ZNF670: variants seen among roughly 807,000 people sequenced by gnomAD.
ZNF670 encodes the protein zinc finger protein 670.
Under a neutral mutation model 10.9 loss-of-function variants are expected in ZNF670, and 7 were observed. The observed-to-expected ratio is 0.64, with a 90% CI of 0.36 to 1.20. ZNF670 has a LOEUF of 1.20. Ranked by LOEUF, ZNF670 falls within the 50% of genes most tolerant of loss-of-function variation. ZNF670 has a pLI of 0.02. For missense variants in ZNF670, 446 were observed against 458.6 expected (o/e 0.97, Z 0.25); for synonymous variants, 136 against 152.7 (o/e 0.89, Z 0.81).
intron 1 of ZNF670, among the ~76,000 whole-genome samples, chr1:247,072,804 G>A (rs373047033): frequency 0.12 from 5,431 of 45,348 alleles, 410 homozygotes; most frequent in African/African-American, 0.18. Flanking sequence ...AAAAGTGTGT[G>A]TATATATATA....
chr1:247,055,033 A>G (rs925244233), intron 1 of ZNF670, among the ~76,000 whole-genome samples: 3 of 152,224 alleles, frequency 2.0e-5, no homozygotes, highest in Admixed American at 6.5e-5. Flanking sequence ...GCAGGCACAG[A>G]TAAGGAAACT....
intron 1 of ZNF670, among the ~76,000 whole-genome samples, chr1:247,045,879 T>A (rs1383808989): frequency 1.3e-5 from 2 of 152,152 alleles, no homozygotes; most frequent in Non-Finnish European, 2.9e-5. Context: ...GCCAGGCCAA[T>A]GAGGTCTTAG....
At chr1:247,076,712 G>A (rs1475649478) in intron 1 of ZNF670, among the ~76,000 whole-genome samples, 2 of 149,962 alleles carry the variant, frequency 1.3e-5, no homozygotes, top group Non-Finnish European at 3.0e-5. Context: ...CCAGGCTGGA[G>A]TGCAGTGGCA....
chr1:247,066,518 CA>C (rs1314639762), intron 1 of ZNF670, among the ~76,000 whole-genome samples: 1 of 152,122 alleles, frequency 6.6e-6, no homozygotes, highest in Non-Finnish European at 1.5e-5. Flanking sequence ...GCCCATCCCC[CA>C]AAACTTGCCA....
Position 247,065,446 on chromosome 1 carries a change from G to A in ZNF670, c.3+13148C>T, listed in dbSNP as rs1049512048. ...CCTTCTGTCTTCCAAGTTTTCTTAT[G>A]TGAAAAAATAAAGCCTCCGAAAAAA... On this transcript the variant is annotated intron_variant, in intron 1 of 3. Transcript: ENST00000366503. 3.3e-4 allele frequency among the ~76,000 whole-genome samples: 48 copies of A among 144,368 alleles called. 1 individual carries two copies. The highest frequency in any genetic ancestry group is 1.4e-3 in the Admixed American group (21 of 14,808). 94.7% of individuals were successfully genotyped at this position (144,368 alleles called of 152,430 possible).
At chr1:247,049,942 T>C (rs1670552443) in intron 1 of ZNF670, among the ~76,000 whole-genome samples, 1 of 152,246 alleles carries the variant, frequency 6.6e-6, no homozygotes, top group Non-Finnish European at 1.5e-5. Flanking sequence ...TTGTGGCCTA[T>C]CATATGGTGT....
chr1:247,055,672 T>C (rs943155239), intron 1 of ZNF670, among the ~76,000 whole-genome samples: 2 of 152,166 alleles, frequency 1.3e-5, no homozygotes, highest in African/African-American at 4.8e-5. Flanking sequence ...TCACCTTCAC[T>C]GAATAACACT....
intron 1 of ZNF670, among the ~76,000 whole-genome samples, chr1:247,073,549 G>T (rs772159399): frequency 5.3e-5 from 8 of 152,192 alleles, no homozygotes; most frequent in Non-Finnish European, 1.2e-4. Flanking sequence ...GTGAGGAAAT[G>T]CTTTCTTCTC....
intron 1 of ZNF670, among the ~76,000 whole-genome samples, chr1:247,042,471 T>G (rs1000692248): frequency 2.0e-5 from 3 of 152,194 alleles, no homozygotes; most frequent in Non-Finnish European, 4.4e-5. Flanking sequence ...TCAAGGTGGT[T>G]TGATATGGTT....
At chr1:247,066,805 T>C (rs1670990192) in intron 1 of ZNF670, among the ~76,000 whole-genome samples, 1 of 152,220 alleles carries the variant, frequency 6.6e-6, no homozygotes, top group East Asian at 1.9e-4. Flanking sequence ...AAGCCTGCTA[T>C]CTGGGGATTT....
Position 247,035,473 on chromosome 1 carries a change from A to C in ZNF670, c.*1976T>G, listed in dbSNP as rs1670127676. Among the ~76,000 whole-genome samples, 1 of 152,224 alleles carries C rather than the reference A, an allele frequency of 6.6e-6. No homozygotes were observed. Among genetic ancestry groups the C allele is most frequent in the South Asian group, 2.1e-4 (1 of 4,834 alleles). On this transcript the variant is annotated 3_prime_UTR_variant, in exon 4 of 4. Transcript: ENST00000366503. ...GGATGCAATTGGTTTGTTTAAATGC[A>C]TCTGTGGAATGGTAGGCAACTGAAA...
chr1:247,049,903 T>C (rs191008995), intron 1 of ZNF670, among the ~76,000 whole-genome samples: 9 of 152,374 alleles, frequency 5.9e-5, no homozygotes, highest in Non-Finnish European at 1.5e-5. Flanking sequence ...GATATGATTT[T>C]GATTTTCTTA....
intron 1 of ZNF670, among the ~76,000 whole-genome samples, chr1:247,048,612 T>C (rs1030478976): frequency 6.6e-6 from 1 of 152,196 alleles, no homozygotes; most frequent in Admixed American, 6.5e-5. Context: ...ATTAGTCCAT[T>C]CTCACATTGC....
intron 1 of ZNF670, among the ~76,000 whole-genome samples, chr1:247,040,576 A>G (rs1670279792): frequency 6.6e-6 from 1 of 152,232 alleles, no homozygotes; most frequent in Non-Finnish European, 1.5e-5. Flanking sequence ...CTTCCTTACC[A>G]TGTATCAGAA....
At chr1:247,058,758 C>A (rs1670782991) in intron 1 of ZNF670, among the ~76,000 whole-genome samples, 1 of 148,092 alleles carries the variant, frequency 6.8e-6, no homozygotes, top group African/African-American at 2.5e-5. Flanking sequence ...ACTCCATGAC[C>A]ACTAGATTGG....
intron 1 of ZNF670, chr1:247,043,537 A>G (rs1326621306): frequency 2.2e-5 from 15 of 669,140 alleles, no homozygotes. Context: ...TTCCTGAAAC[A>G]ATTCAGGATG....
In ZNF670 at chr1:247,038,046, G is replaced by GTC. The variant is rs1342836658; in HGVS notation, c.572_573insGA (p.Tyr191Ter). 6 of 1,614,030 alleles carry GTC rather than the reference G, an allele frequency of 3.7e-6. No individual in the cohort carries two copies. The African/African-American group carries it at 6.7e-5, about 18-fold the overall frequency. ...PSVFQMPQST[Y>*]TGEKTYKCKH... ...TACATTTATATGTTTTCTCTCCAGT[G>GTC]TAAGTGCTCTGAGGCATTTGAAATA... is the stretch of plus-strand genomic sequence containing the variant. The change falls in exon 4 of 4, where the codon TAC becomes TAGAC. Residue 191 changes from tyrosine (Y) to a stop codon, truncating the protein, a stop_gained and frameshift_variant. Transcript: ENST00000366503. LOFTEE classifies it low-confidence loss of function (END_TRUNC).
intron 1 of ZNF670, among the ~76,000 whole-genome samples, chr1:247,068,195 G>A (rs567164472): frequency 2.4e-4 from 36 of 149,944 alleles, no homozygotes; most frequent in Non-Finnish European, 4.3e-4. Context: ...GTGTACATCT[G>A]TAATCCCAGA....
At chr1:247,055,159 C>A (rs746869645) in intron 1 of ZNF670, among the ~76,000 whole-genome samples, 3 of 152,252 alleles carry the variant, frequency 2.0e-5, no homozygotes, top group Non-Finnish European at 2.9e-5. Context: ...AGACCCAACA[C>A]AGAAACACCT....
Sources: gnomAD v4.1 joint callset for allele counts (sites outside exome capture counted in the v4.1 genomes callset) on GRCh38, gnomAD v4.1.1 for gene constraint, MANE v1.5 for transcripts, NCBI Gene and HGNC (gene_info 2026-07-23, HGNC 2026-07-21) for gene names.